ZBTB7A: variants seen among roughly 807,000 people sequenced by gnomAD.
ZBTB7A encodes zinc finger and BTB domain-containing protein 7A.
ZBTB7A carries 7 observed loss-of-function variants against 26.7 expected under a neutral mutation model. The ratio of observed to expected loss-of-function variants is 0.26; its 90% CI spans 0.15 to 0.49. The LOEUF (loss-of-function observed/expected upper bound fraction) is 0.49, where lower values mean the gene tolerates loss of function less well. ZBTB7A is among the 20% of genes least tolerant of loss of function. The pLI is 0.98. For missense variants in ZBTB7A, 617 were observed against 919.5 expected, an observed-to-expected ratio of 0.67 and a Z score of 4.25; for synonymous variants, 452 against 441.0, an observed-to-expected ratio of 1.02 and a Z score of -0.31.
rs948671531 is a variant in ZBTB7A at position 4,046,504 on chromosome 19, T to C, written c.*1248A>G. The C allele has an allele frequency of 1.3e-5, 2 of 151,346 alleles. No individual in the cohort carries two copies. The highest frequency in any genetic ancestry group is 2.4e-5 in the African/African-American group (1 of 40,910). 9.4% of individuals were successfully genotyped at this position (151,346 alleles called of 1,614,324 possible). On this transcript the variant is annotated 3_prime_UTR_variant, in exon 3 of 3. Coordinates refer to ENST00000322357, the MANE Select transcript of ZBTB7A (RefSeq NM_015898.4). ...GTAACTTGTAAACATGTTTTTAAAT[T>C]AAGAATTAAGATAAAGTGTAGTACC...
rs1489686228 is a variant in ZBTB7A, at chr19:4,054,831, G to A, written c.402C>T (p.Ala134=). 5 of 1,603,292 alleles carry A rather than the reference G, an allele frequency of 3.1e-6. No individual in the cohort carries two copies. Among genetic ancestry groups the A allele is most frequent in the Admixed American group, 1.7e-5 (1 of 58,678 alleles). Residue 134 remains alanine, a synonymous_variant, in exon 2 of 3, where the codon GCC becomes GCT. Transcript: ENST00000322357. The part of the protein sequence containing the change: ...ADLLDRQILA[A]DAGADAGQLD... ...GCTGCCCGGCGTCGGCGCCCGCGTC[G>A]GCCGCCAGGATCTGCCGGTCCAGGA...
At chr19:4,051,947 C>T (rs2040508381) in intron 2 of ZBTB7A, among the ~76,000 whole-genome samples, 1 of 152,154 alleles carries the variant, frequency 6.6e-6, no homozygotes, top group Admixed American at 6.5e-5. Context: ...GCCCCACTTA[C>T]TCAACGCCCT....
chr19:4,065,707 G>GC (rs1271459262), intron 1 of ZBTB7A: 2 of 137,894 alleles, frequency 1.5e-5, no homozygotes, highest in Non-Finnish European at 3.2e-5. Flanking sequence ...CGCCCGGGCC[G>GC]CCGCCCTCCC....
chr19:4,059,354 G>A (rs1175495745), intron 1 of ZBTB7A, among the ~76,000 whole-genome samples: 2 of 152,156 alleles, frequency 1.3e-5, no homozygotes, highest in African/African-American at 4.8e-5. Flanking sequence ...CCCCGCCAGT[G>A]TGAAGATCCC....
At position 4,053,197 on chromosome 19, in the gene ZBTB7A, C is replaced by T. The variant is rs541581179; in HGVS notation, c.1262+774G>A. On this transcript the variant is annotated intron_variant, in intron 2 of 2. Coordinates refer to ENST00000322357, the MANE Select transcript of ZBTB7A (RefSeq NM_015898.4). ...CCCACCTCCCGCAGCTCAACCCTGT[C>T]CGGCACGCTTTGCATATGATGTGGC... Among the ~76,000 whole-genome samples, 5 of 152,366 alleles carry T rather than the reference C, an allele frequency of 3.3e-5. No homozygotes were observed. The South Asian group carries it at 1.0e-3, about 32-fold the overall frequency.
At position 4,057,398 on chromosome 19, in the gene ZBTB7A, T is replaced by C. The variant is rs2040591909; in HGVS notation, c.-15-2151A>G. Among the ~76,000 whole-genome samples the C allele has an allele frequency of 2.0e-5, 3 of 152,294 alleles. 1 individual carries two copies. In the South Asian group the frequency reaches 6.2e-4, roughly 32 times the overall value. On this transcript the variant is annotated intron_variant, in intron 1 of 2. Transcript: ENST00000322357. ...TCTGAGGCGCTACAGGAGGACGCAG[T>C]AGCTCGAGAGAAGTGCCCTGATCTG...
intron 2 of ZBTB7A, among the ~76,000 whole-genome samples, chr19:4,051,986 C>CA (rs900851638): frequency 6.6e-6 from 1 of 151,768 alleles, no homozygotes; most frequent in African/African-American, 2.4e-5. Context: ...CTCGGGCTCC[C>CA]AGGCTTTTGG....
chr19:4,054,600 CGCGGCCACG>C lies in ZBTB7A; in HGVS notation c.624_632del (p.Val209_Ala211del), dbSNP rs771130062. On this transcript the variant is annotated inframe_deletion, in exon 2 of 3. Transcript: ENST00000322357. ...AGAAGTCTAAGCCGTTGCAGTCGCC[CGCGGCCACG>C]GCGGCCACAGCGGCGGCCACGGCCT... The C allele has an allele frequency of 4.4e-6, 7 of 1,578,218 alleles. No individual in the cohort carries two copies. The highest frequency in any genetic ancestry group is 3.6e-5 in the Admixed American group (2 of 55,056).
intron 1 of ZBTB7A, among the ~76,000 whole-genome samples, chr19:4,064,915 C>T (rs1183083301): frequency 1.3e-5 from 2 of 151,874 alleles, no homozygotes; most frequent in Non-Finnish European, 2.9e-5. Flanking sequence ...AGCAACCTCC[C>T]GCCGCGGCCC....
rs569926903 is a variant in ZBTB7A at position 4,057,240 on chromosome 19, C to A, written c.-15-1993G>T. ...GCGCGTGCCTGTAATCCCAGCTACT[C>A]GGGAGGCTGAGGCAGGAGAATCGCT... On this transcript the variant is annotated intron_variant, in intron 1 of 2. Transcript: ENST00000322357. Among the ~76,000 whole-genome samples the A allele has an allele frequency of 2.6e-5, 4 of 151,776 alleles. No homozygotes were observed. In the South Asian group the frequency reaches 8.3e-4, roughly 32 times the overall value.
chr19:4,058,719 C>G (rs1169989494), intron 1 of ZBTB7A, among the ~76,000 whole-genome samples: 1 of 152,214 alleles, frequency 6.6e-6, no homozygotes, highest in Non-Finnish European at 1.5e-5. Context: ...CAGGCTCTGA[C>G]GCCGACGGGC....
rs1000799496 is a variant in ZBTB7A at position 4,046,561 on chromosome 19, G to A, written c.*1191C>T. ...GTTACAAAGTGCCAAGACTTCTAAT[G>A]TGGTTGGTTGCCTTTTTTTTTTTCC... On this transcript the variant is annotated 3_prime_UTR_variant, in exon 3 of 3. Transcript: ENST00000322357. 1 of 145,544 alleles carries A rather than the reference G, an allele frequency of 6.9e-6. No homozygotes were observed. Among genetic ancestry groups the A allele is most frequent in the African/African-American group, 2.6e-5 (1 of 38,592 alleles). The allele number at this position is 145,544 out of a possible 1,614,324, so 9.0% of individuals were successfully genotyped here.
At chr19:4,063,901 G>C (rs908367916) in intron 1 of ZBTB7A, among the ~76,000 whole-genome samples, 21 of 152,174 alleles carry the variant, frequency 1.4e-4, no homozygotes, top group African/African-American at 4.6e-4. Flanking sequence ...GCTCACATTT[G>C]ACCTCCCCTC....
In ZBTB7A at chr19:4,047,973, G is replaced by A; in HGVS notation, c.1534C>T (p.Pro512Ser). 8.1e-7 allele frequency: 1 copy of A among 1,239,742 alleles called. No individual in the cohort carries two copies. Among genetic ancestry groups the A allele is most frequent in the Non-Finnish European group, 1.0e-6 (1 of 980,726 alleles). 76.8% of individuals were successfully genotyped at this position (1,239,742 alleles called of 1,614,324 possible). ...GCGCCGGGGGTCGCGGTGGCCCCCGGGCTGGGGTCGGGCGCCCCGCCCCGG... is the reference window on the plus strand; with the variant it reads ...GCGCCGGGGGTCGCGGTGGCCCCCGAGCTGGGGTCGGGCGCCCCGCCCCGG... ...RVRGGAPDPS[P>S]GATATPGAPA... The change falls in exon 3 of 3, where the codon CCG (proline) becomes TCG (serine). Residue 512 changes from proline (P) to serine (S), a missense_variant. Physicochemically the swap from Pro to Ser is moderately conservative, Grantham distance 74 (BLOSUM62 -1). Coordinates refer to ENST00000322357, the MANE Select transcript of ZBTB7A (RefSeq NM_015898.4).
Position 4,054,608 on chromosome 19 carries a change from C to T in ZBTB7A, c.625G>A (p.Val209Met), listed in dbSNP as rs1344901215. 2.0e-5 allele frequency: 31 copies of T among 1,584,044 alleles called. No individual in the cohort carries two copies. Among genetic ancestry groups the T allele is most frequent in the Non-Finnish European group, 2.7e-5 (31 of 1,169,766 alleles). Reference protein sequence around the residue: ...KEAVAAAVAAVAAGDCNGLDF... With the variant: ...KEAVAAAVAAMAAGDCNGLDF... ...AAGCCGTTGCAGTCGCCCGCGGCCACGGCGGCCACAGCGGCGGCCACGGCC... is the reference window on the plus strand; with the variant it reads ...AAGCCGTTGCAGTCGCCCGCGGCCATGGCGGCCACAGCGGCGGCCACGGCC... Residue 209 changes from valine to methionine, a missense_variant, in exon 2 of 3, where the codon GTG (valine) becomes ATG (methionine). By Grantham distance (21) the Val-to-Met change is conservative. Coordinates refer to ENST00000322357, the MANE Select transcript of ZBTB7A (RefSeq NM_015898.4).
Position 4,048,804 on chromosome 19 carries a change from C to T in ZBTB7A, c.1263-560G>A, listed in dbSNP as rs967436039. Among the ~76,000 whole-genome samples, 6 of 151,114 alleles carry T rather than the reference C, an allele frequency of 4.0e-5. No individual in the cohort carries two copies. Among genetic ancestry groups the T allele is most frequent in the African/African-American group, 1.2e-4 (5 of 41,102 alleles). On this transcript the variant is annotated intron_variant, in intron 2 of 2. Coordinates refer to ENST00000322357, the MANE Select transcript of ZBTB7A (RefSeq NM_015898.4). The surrounding 1 kb of genome is among the most constrained non-coding windows in gnomAD (Gnocchi z 6.7). ...GGAGGTGGAGGTTGCAGTGAAACTC[C>T]GTCTCAAAAAAAAAAATTTCACTTT... is the stretch of plus-strand genomic sequence containing the variant.
chr19:4,055,490 A>G, intron 1 of ZBTB7A: 1 of 985,280 alleles, frequency 1.0e-6, no homozygotes, highest in South Asian at 4.7e-5. Flanking sequence ...TCTTTAATAC[A>G]GAGACAGGCT....
chr19:4,049,162 G>GTA lies in ZBTB7A; in HGVS notation c.1263-919_1263-918insTA, dbSNP rs1253863952. 2.7e-3 allele frequency among the ~76,000 whole-genome samples: 50 copies of GTA among 18,410 alleles called. 1 individual carries two copies. The highest frequency in any genetic ancestry group is 4.4e-3 in the African/African-American group (44 of 10,040). The allele number at this position is 18,410 out of a possible 152,430, so 12.1% of individuals were successfully genotyped here. A position where few individuals can be genotyped will look rare whatever the true frequency, so the allele number is the denominator to read the frequency against. ...TATTAAACTATATGTGTGTGTGTGT[G>GTA]TGTGTGTATATATATATATATATAT... On this transcript the variant is annotated intron_variant, in intron 2 of 2. Coordinates refer to ENST00000322357, the MANE Select transcript of ZBTB7A (RefSeq NM_015898.4).
chr19:4,064,443 C>T (rs1184804015), intron 1 of ZBTB7A, among the ~76,000 whole-genome samples: 1 of 152,246 alleles, frequency 6.6e-6, no homozygotes, highest in African/African-American at 2.4e-5. Flanking sequence ...CGGACAAACG[C>T]CCCCGGCCTG....
Sources: gnomAD v4.1 joint callset for allele counts (sites outside exome capture counted in the v4.1 genomes callset) on GRCh38, gnomAD v4.1.1 for gene constraint, Gnocchi (gnomAD v3.1) non-coding constraint, MANE v1.5 for transcripts, NCBI Gene and HGNC (gene_info 2026-07-23, HGNC 2026-07-21) for gene names.